The following ZBTB8B variants were observed in gnomAD, a reference collection of about 807,000 sequenced individuals.
ZBTB8B encodes the protein zinc finger and BTB domain-containing protein 8B.
In ZBTB8B, 17 loss-of-function variants were observed where a neutral mutation model predicts 30.3. The observed-to-expected ratio is 0.56, with a 90% CI of 0.38 to 0.84. The LOEUF (loss-of-function observed/expected upper bound fraction) is 0.84, where lower values mean the gene tolerates loss of function less well. ZBTB8B is among the 40% of genes least tolerant of loss of function. ZBTB8B has a pLI of 0.00. For missense variants in ZBTB8B, 515 were observed against 644.9 expected, an observed-to-expected ratio of 0.80 and a Z score of 2.18; for synonymous variants, 248 against 255.6, an observed-to-expected ratio of 0.97 and a Z score of 0.28.
rs990995942 is a variant in ZBTB8B, at chr1:32,493,524, T to A, written c.*8106T>A. 1 of 149,582 alleles carries A rather than the reference T, an allele frequency of 6.7e-6. No homozygotes were observed. Among genetic ancestry groups the A allele is most frequent in the Non-Finnish European group, 1.5e-5 (1 of 67,286 alleles). 9.3% of individuals were successfully genotyped at this position (149,582 alleles called of 1,614,324 possible). On this transcript the variant is annotated 3_prime_UTR_variant, in exon 4 of 4. Transcript: ENST00000609129. ...CCTGTAATCCCAGCACTTTGGGAGGTCAACGGGGGTGGATCACCTGAGGTC... is the reference window on the plus strand; with the variant it reads ...CCTGTAATCCCAGCACTTTGGGAGGACAACGGGGGTGGATCACCTGAGGTC...
At chr1:32,478,911 G>A (rs137955756) in intron 2 of ZBTB8B, among the ~76,000 whole-genome samples, 136 of 152,330 alleles carry the variant, frequency 8.9e-4, no homozygotes, top group African/African-American at 3.1e-3. Flanking sequence ...AAGAGATTAC[G>A]ATGATGACAA....
rs1196596230 is a variant in ZBTB8B at position 32,487,758 on chromosome 1, C to T, written c.*2340C>T. The T allele has an allele frequency of 6.6e-6, 1 of 151,988 alleles. No individual in the cohort carries two copies. The highest frequency in any genetic ancestry group is 1.5e-5 in the Non-Finnish European group (1 of 68,024). 9.4% of individuals were successfully genotyped at this position (151,988 alleles called of 1,614,324 possible). On this transcript the variant is annotated 3_prime_UTR_variant, in exon 4 of 4. Transcript: ENST00000609129. ...TCAGGAGGCTGTGGCGAGAGGAACA[C>T]TTGAGCCTGGAAAAGGTTGCAGTGA...
In ZBTB8B at chr1:32,471,260, CG is replaced by C; in HGVS notation, c.638del (p.Gly213ValfsTer15). 1 of 1,551,824 alleles carries C rather than the reference CG, an allele frequency of 6.4e-7. No individual in the cohort carries two copies. Among genetic ancestry groups the C allele is most frequent in the African/African-American group, 1.4e-5 (1 of 73,182 alleles). ...AACTGGTGGTGAGAGACAGCCTTGGCGGTGGCTCGGCTGACAGCAACCTCTC... is the reference window on the plus strand; with the variant it reads ...AACTGGTGGTGAGAGACAGCCTTGGCGTGGCTCGGCTGACAGCAACCTCTC... Reference protein sequence around the residue: ...LELVVRDSLGGGSADSNLSTP... With the variant: ...LELVVRDSLGXGSADSNLSTP... On this transcript the variant is annotated frameshift_variant, in exon 2 of 4. Transcript: ENST00000609129. LOFTEE classifies it high-confidence loss of function.
chr1:32,485,428 G>C lies in ZBTB8B; in HGVS notation c.*10G>C. 2 of 1,544,488 alleles carry C rather than the reference G, an allele frequency of 1.3e-6. No homozygotes were observed. The highest frequency in any genetic ancestry group is 1.8e-6 in the Non-Finnish European group (2 of 1,141,122). On this transcript the variant is annotated 3_prime_UTR_variant, in exon 4 of 4. Transcript: ENST00000609129. ...AGAGACACTTACGTAGCAATAAATT[G>C]GTGGGGAAGAGGAGGTTTTAAAACT...
chr1:32,470,804 C>A lies in ZBTB8B; in HGVS notation c.180C>A (p.Ser60Arg). 2 of 1,551,826 alleles carry A rather than the reference C, an allele frequency of 1.3e-6. No individual in the cohort carries two copies. The highest frequency in any genetic ancestry group is 1.7e-6 in the Non-Finnish European group (2 of 1,147,024). Residue 60 changes from serine (S) to arginine (R), a missense_variant, in exon 2 of 4, where the codon AGC becomes AGA. Around this residue, in one of 3 missense-constraint regions of ZBTB8B, gnomAD observed 61 missense variants for 117.7 expected, o/e 0.52. Transcript: ENST00000609129. Reference sequence around the variant, plus strand: ...TGCTCATTCACTATATCCAGGACAGCGGGCGGCATAGCACCGCCTCCTTGG... The same window carrying A: ...TGCTCATTCACTATATCCAGGACAGAGGGCGGCATAGCACCGCCTCCTTGG... The part of the protein sequence containing the change: ...RALLIHYIQD[S>R]GRHSTASLDI...
At chr1:32,470,417 G>C (rs1218191082) in intron 1 of ZBTB8B, among the ~76,000 whole-genome samples, 167 bp from the exon 2 acceptor site, 2 of 146,218 alleles carry the variant, frequency 1.4e-5, no homozygotes, top group African/African-American at 5.1e-5. Flanking sequence ...GGAGGATGGC[G>C]TGAACCCAGG....
rs138132208 is a variant in ZBTB8B, at chr1:32,480,239, G to T, written c.992-652G>T. On this transcript the variant is annotated intron_variant, in intron 2 of 3. Coordinates refer to ENST00000609129, the MANE Select transcript of ZBTB8B (RefSeq NM_001145720.2). ...TTGCAGATGGCAGCCTTCCCACTGTGTCCTCACATAGCCTTTCCTCTGTGT... is the reference window on the plus strand; with the variant it reads ...TTGCAGATGGCAGCCTTCCCACTGTTTCCTCACATAGCCTTTCCTCTGTGT... Among the ~76,000 whole-genome samples, 159 of 151,000 alleles carry T rather than the reference G, an allele frequency of 1.1e-3. 1 individual carries two copies. The highest frequency in any genetic ancestry group is 8.6e-3 in the East Asian group (44 of 5,114).
At chr1:32,481,167 C>G (rs1321472601) in intron 3 of ZBTB8B, 98 bp downstream of exon 3, 2 of 1,177,420 alleles carry the variant, frequency 1.7e-6, no homozygotes, top group Admixed American at 6.3e-5. Flanking sequence ...TCTCTGTCTA[C>G]TGGGGTATTT....
At chr1:32,471,684 C>T (rs1201654314) in intron 2 of ZBTB8B, 69 bp downstream of exon 2, 1 of 1,458,464 alleles carries the variant, frequency 6.9e-7, no homozygotes, top group East Asian at 2.5e-5. Flanking sequence ...TTGTGTTCTC[C>T]CATCATCATG....
At chr1:32,474,224 T>C (rs994644289) in intron 2 of ZBTB8B, among the ~76,000 whole-genome samples, 1 of 150,480 alleles carries the variant, frequency 6.6e-6, no homozygotes, top group Non-Finnish European at 1.5e-5. Flanking sequence ...AACTTGAAAA[T>C]GGCCAGGTGC....
intron 2 of ZBTB8B, among the ~76,000 whole-genome samples, chr1:32,473,172 G>A (rs954565645): frequency 5.9e-5 from 9 of 152,146 alleles, no homozygotes; most frequent in Middle Eastern, 3.2e-3. Context: ...TGGGCGCGGC[G>A]GCACGCGCCT....
At position 32,495,387 on chromosome 1, in the gene ZBTB8B, T is replaced by C. The variant is rs1164174584; in HGVS notation, c.*9969T>C. On this transcript the variant is annotated 3_prime_UTR_variant, in exon 4 of 4. Coordinates refer to ENST00000609129, the MANE Select transcript of ZBTB8B (RefSeq NM_001145720.2). ...AGTATTCCTGGTTTTTAATGAAATA[T>C]TTATCTAGTTTGGGATTAAAATTAA... 6.6e-6 allele frequency: 1 copy of C among 152,184 alleles called. No individual in the cohort carries two copies. The highest frequency in any genetic ancestry group is 2.4e-5 in the African/African-American group (1 of 41,442). 9.4% of individuals were successfully genotyped at this position (152,184 alleles called of 1,614,324 possible).
At chr1:32,482,172 G>GT (rs1335108981) in intron 3 of ZBTB8B, among the ~76,000 whole-genome samples, 1 of 151,606 alleles carries the variant, frequency 6.6e-6, no homozygotes, top group Non-Finnish European at 1.5e-5. Context: ...GTTGTTTTTT[G>GT]TTTTTTTGTA....
At chr1:32,468,916 G>A (rs1367604010) in intron 1 of ZBTB8B, among the ~76,000 whole-genome samples, 1 of 152,018 alleles carries the variant, frequency 6.6e-6, no homozygotes. Flanking sequence ...GAGGCTGGGT[G>A]TGGTGGCTTA....
intron 2 of ZBTB8B, among the ~76,000 whole-genome samples, chr1:32,476,260 CAA>C (rs1257364395): frequency 6.6e-6 from 1 of 152,108 alleles, no homozygotes; most frequent in Non-Finnish European, 1.5e-5. Context: ...CTCAGCCTCT[CAA>C]AGTGCTGGGA....
chr1:32,471,281 C>T lies in ZBTB8B; in HGVS notation c.657C>T (p.Asn219=), dbSNP rs781070599. 26 of 1,551,656 alleles carry T rather than the reference C, an allele frequency of 1.7e-5. 1 individual carries two copies. The highest frequency in any genetic ancestry group is 2.3e-5 in the Non-Finnish European group (26 of 1,147,010). ...TTGGCGGTGGCTCGGCTGACAGCAA[C>T]CTCTCTACTCCACCCAAACGGATAG... is the stretch of plus-strand genomic sequence containing the variant. ...DSLGGGSADS[N]LSTPPKRIEP... Residue 219 remains asparagine (N), a synonymous_variant, in exon 2 of 4, where the codon AAC becomes AAT. Transcript: ENST00000609129.
At chr1:32,475,816 GTTTTTTTT>G (rs1331933358) in intron 2 of ZBTB8B, among the ~76,000 whole-genome samples, 1 of 125,856 alleles carries the variant, frequency 7.9e-6, no homozygotes, top group Non-Finnish European at 1.7e-5. Flanking sequence ...AAGAGGGGAG[GTTTTTTTT>G]TTTTTTTTTT....
intron 3 of ZBTB8B, among the ~76,000 whole-genome samples, chr1:32,482,013 TCACTC>T (rs1196809996): frequency 9.2e-5 from 14 of 152,128 alleles, no homozygotes; most frequent in African/African-American, 3.4e-4. Flanking sequence ...AGACAGAGTC[TCACTC>T]TGTCACCCAG....
At chr1:32,467,186 G>A (rs1209702426) in intron 1 of ZBTB8B, among the ~76,000 whole-genome samples, 1 of 150,628 alleles carries the variant, frequency 6.6e-6, no homozygotes, top group Non-Finnish European at 1.5e-5. Context: ...CATGCACATA[G>A]TAAAACATTC....
Sources: allele counts gnomAD v4.1 joint callset (sites outside exome capture counted in the v4.1 genomes callset), GRCh38; gene constraint gnomAD v4.1.1; regional missense constraint gnomAD v4.1.1; transcripts MANE v1.5; gene names NCBI Gene and HGNC (gene_info 2026-07-23, HGNC 2026-07-21).